Variants in UMAD1 observed in about 807,000 individuals in gnomAD.
UMAD1 encodes UBAP1-MVB12-associated (UMA)-domain containing protein 1.
A neutral mutation model predicts 6.1 loss-of-function variants in UMAD1; 8 were observed. The ratio of observed to expected loss-of-function variants is 1.30; its 90% CI spans 0.76 to 2.35. UMAD1 has a LOEUF of 2.35. Ranked by LOEUF, UMAD1 falls within the 30% of genes most tolerant of loss-of-function variation. The probability of loss-of-function intolerance (pLI) is 0.00; values close to 1 mark genes in which losing one functional copy is unlikely to be tolerated. For synonymous variants in UMAD1, 56 were observed against 31.4 expected (o/e 1.78, Z -2.61); for missense variants, 130 against 78.4 (o/e 1.66, Z -2.49).
At chr7:7,744,538 C>A (rs1248938734) in intron 2 of UMAD1, among the ~76,000 whole-genome samples, 1 of 151,552 alleles carries the variant, frequency 6.6e-6, no homozygotes, top group East Asian at 1.9e-4. Context: ...TAGTCCCAAC[C>A]AGCTGTGTAC....
chr7:7,826,557 T>C (rs1783345989), intron 3 of UMAD1, among the ~76,000 whole-genome samples: 1 of 152,196 alleles, frequency 6.6e-6, no homozygotes, highest in Non-Finnish European at 1.5e-5. Flanking sequence ...AAAATGGTTC[T>C]TGATTTTTCA....
chr7:7,653,310 G>A (rs1785269204), intron 1 of UMAD1, among the ~76,000 whole-genome samples: 1 of 152,124 alleles, frequency 6.6e-6, no homozygotes, highest in Admixed American at 6.6e-5. Flanking sequence ...TAATTTAGAT[G>A]ACTCAAGATG....
intron 2 of UMAD1, among the ~76,000 whole-genome samples, chr7:7,689,876 A>G (rs1246008834): frequency 6.6e-6 from 1 of 152,202 alleles, no homozygotes; most frequent in East Asian, 1.9e-4. Context: ...CAAAGCAGCT[A>G]GTGATTAACA....
chr7:7,766,156 G>C (rs929879898), intron 2 of UMAD1, among the ~76,000 whole-genome samples: 15 of 152,166 alleles, frequency 9.9e-5, no homozygotes, highest in Non-Finnish European at 2.9e-5. Context: ...TTATAATAGA[G>C]CAGCCTTGTC....
chr7:7,667,812 T>C (rs13232471), intron 1 of UMAD1, among the ~76,000 whole-genome samples: 92,472 of 152,124 alleles, frequency 0.61, 28,304 homozygotes, highest in East Asian at 0.8. Flanking sequence ...TGGTCTCTGC[T>C]GCTTTACTGA....
chr7:7,857,969 C>T (rs539543030), intron 3 of UMAD1, among the ~76,000 whole-genome samples: 2 of 152,338 alleles, frequency 1.3e-5, no homozygotes, highest in East Asian at 3.9e-4. Context: ...TGTCCTTATA[C>T]TCTGTTGGAT....
At chr7:7,776,731 G>C (rs1260328843) in intron 2 of UMAD1, among the ~76,000 whole-genome samples, 1 of 152,134 alleles carries the variant, frequency 6.6e-6, no homozygotes, top group Non-Finnish European at 1.5e-5. Context: ...TATTGTTGTA[G>C]ACAGAAGGCA....
chr7:7,720,185 T>C (rs2115182397), intron 2 of UMAD1, among the ~76,000 whole-genome samples: 1 of 152,192 alleles, frequency 6.6e-6, no homozygotes, highest in East Asian at 1.9e-4. Flanking sequence ...TAATTGTAAA[T>C]AGCTAAAAAA....
intron 2 of UMAD1, among the ~76,000 whole-genome samples, chr7:7,797,563 A>T (rs577691380): frequency 9.7e-4 from 147 of 152,252 alleles, no homozygotes; most frequent in African/African-American, 3.4e-3. Context: ...AATTTCCTTT[A>T]TACATAGTGC....
At chr7:7,834,672 T>C (rs778608369) in intron 3 of UMAD1, among the ~76,000 whole-genome samples, 1 of 151,914 alleles carries the variant, frequency 6.6e-6, no homozygotes, top group African/African-American at 2.4e-5. Context: ...AATCCCATCA[T>C]GAGGGCCCTA....
chr7:7,866,161 A>G (rs994636238), intron 3 of UMAD1, among the ~76,000 whole-genome samples: 1 of 152,240 alleles, frequency 6.6e-6, no homozygotes, highest in African/African-American at 2.4e-5. Context: ...TTCCTAACTT[A>G]TTTAGAAGAA....
intron 1 of UMAD1, chr7:7,641,036 G>C (rs1340309481): frequency 1.3e-5 from 2 of 152,804 alleles, no homozygotes; most frequent in Non-Finnish European, 2.9e-5. Flanking sequence ...TGGCGTCGGG[G>C]TTGTGATACC....
chr7:7,856,509 C>T (rs1468394326), intron 3 of UMAD1, among the ~76,000 whole-genome samples: 1 of 152,202 alleles, frequency 6.6e-6, no homozygotes, highest in Non-Finnish European at 1.5e-5. Context: ...CACCAGGTCC[C>T]TCCCGCAACA....
At chr7:7,646,599 A>C (rs1785101748) in intron 1 of UMAD1, among the ~76,000 whole-genome samples, 1 of 148,370 alleles carries the variant, frequency 6.7e-6, no homozygotes, top group African/African-American at 2.5e-5. Context: ...AGTCCATTAA[A>C]CCCCTTTTTC....
At chr7:7,774,026 A>T (rs182648849) in intron 2 of UMAD1, among the ~76,000 whole-genome samples, 3 of 152,292 alleles carry the variant, frequency 2.0e-5, no homozygotes, top group Admixed American at 2.0e-4. Flanking sequence ...AAACACTGAG[A>T]ATCAGGCCAT....
At chr7:7,828,473 T>C (rs1487268327) in intron 3 of UMAD1, among the ~76,000 whole-genome samples, 1 of 152,186 alleles carries the variant, frequency 6.6e-6, no homozygotes, top group Non-Finnish European at 1.5e-5. Context: ...TGAATCAAAA[T>C]TGGGGAATAC....
chr7:7,841,870 A>G (rs1783688569), intron 3 of UMAD1, among the ~76,000 whole-genome samples: 1 of 152,180 alleles, frequency 6.6e-6, no homozygotes. Flanking sequence ...TTGTCTTTGC[A>G]CTCCATAATA....
intron 2 of UMAD1, among the ~76,000 whole-genome samples, chr7:7,743,163 C>A (rs978485455): frequency 6.6e-6 from 1 of 152,080 alleles, no homozygotes; most frequent in African/African-American, 2.4e-5. Context: ...CAGTTTTGGT[C>A]TGGTGGTGCA....
At chr7:7,749,369 G>A (rs565119298) in intron 2 of UMAD1, among the ~76,000 whole-genome samples, 1 of 152,104 alleles carries the variant, frequency 6.6e-6, no homozygotes, top group Admixed American at 6.5e-5. Flanking sequence ...TTAATAGCCC[G>A]TATTCCACGT....
Sources: allele counts gnomAD v4.1 joint callset (sites outside exome capture counted in the v4.1 genomes callset), GRCh38; gene constraint gnomAD v4.1.1; transcripts MANE v1.5; gene names NCBI Gene and HGNC (gene_info 2026-07-23, HGNC 2026-07-21).